The following TMEM123 variants were observed in gnomAD, a reference collection of about 807,000 sequenced individuals.
The protein encoded by TMEM123 is transmembrane protein 123, also known as porimin.
A neutral mutation model predicts 19.7 loss-of-function variants in TMEM123; 16 were observed. The observed-to-expected ratio is 0.81, with a 90% confidence interval of 0.55 to 1.23. TMEM123 has a LOEUF of 1.23. Among genes scored for constraint, TMEM123 ranks in the 50% most tolerant of loss-of-function variants. TMEM123 has a pLI of 0.00. For synonymous variants in TMEM123, 118 were observed against 99.4 expected (o/e 1.19, Z -1.12); for missense variants, 313 against 257.8 (o/e 1.21, Z -1.47).
At chr11:102,416,280 AAG>A (rs569250645) in intron 2 of TMEM123, among the ~76,000 whole-genome samples, 2 of 152,210 alleles carry the variant, frequency 1.3e-5, no homozygotes, top group Non-Finnish European at 2.9e-5. Flanking sequence ...ATAAAGAAAA[AAG>A]AGAGAAGAGC....
At chr11:102,435,340 T>G (rs114171606) in intron 2 of TMEM123, among the ~76,000 whole-genome samples, 1 of 151,738 alleles carries the variant, frequency 6.6e-6, no homozygotes, top group Non-Finnish European at 1.5e-5. Context: ...AATAATCACA[T>G]GAAAAAATGT....
Position 102,401,633 on chromosome 11 carries a change from C to G in TMEM123, c.508G>C (p.Val170Leu). The G allele has an allele frequency of 6.2e-7, 1 of 1,608,758 alleles. No homozygotes were observed. The highest frequency in any genetic ancestry group is 8.5e-7 in the Non-Finnish European group (1 of 1,178,808). The change falls in exon 4 of 5, where the codon GTT becomes CTT. Residue 170 changes from valine to leucine, a missense_variant. Val to Leu is a conservative substitution (Grantham distance 32, BLOSUM62 1). Coordinates refer to ENST00000398136, the MANE Select transcript of TMEM123 (RefSeq NM_052932.3). ...CCCAGCGTTAATACAATACCACCAA[C>G]AAAGCTCCCAGTATCAAATTTTGAT... The part of the protein sequence containing the change: ...KGSKFDTGSF[V>L]GGIVLTLGVL...
At chr11:102,439,810 G>C (rs1161216290) in intron 2 of TMEM123, among the ~76,000 whole-genome samples, 2 of 152,294 alleles carry the variant, frequency 1.3e-5, no homozygotes, top group East Asian at 3.9e-4. Flanking sequence ...CTTGAAAAAA[G>C]ATTAGACAAA....
intron 2 of TMEM123, among the ~76,000 whole-genome samples, chr11:102,437,229 T>C (rs1205526926): frequency 1.3e-5 from 2 of 152,152 alleles, no homozygotes; most frequent in Admixed American, 6.5e-5. Flanking sequence ...AAATTCAGTG[T>C]TTCCTGGGTT....
intron 2 of TMEM123, among the ~76,000 whole-genome samples, chr11:102,403,782 T>A (rs1201097580): frequency 1.3e-5 from 2 of 152,152 alleles, no homozygotes; most frequent in African/African-American, 2.4e-5. Context: ...GTGAGTGAGT[T>A]CTCATTCTGG....
chr11:102,408,744 C>T (rs116929965), intron 2 of TMEM123, among the ~76,000 whole-genome samples: 4,211 of 152,282 alleles, frequency 0.028, 98 homozygotes, highest in Middle Eastern at 0.041. Context: ...CCATGGTTAC[C>T]GTAACTACCA....
chr11:102,443,152 C>T (rs919908786), intron 2 of TMEM123, among the ~76,000 whole-genome samples: 1 of 152,210 alleles, frequency 6.6e-6, no homozygotes, highest in Non-Finnish European at 1.5e-5. Context: ...ATGCCATCCC[C>T]ATCAAGCTAC....
At chr11:102,434,909 G>C (rs1857746981) in intron 2 of TMEM123, among the ~76,000 whole-genome samples, 2 of 151,762 alleles carry the variant, frequency 1.3e-5, no homozygotes, top group South Asian at 4.2e-4. Context: ...AATGTGTGAT[G>C]GGAACTCTTA....
intron 2 of TMEM123, among the ~76,000 whole-genome samples, chr11:102,409,124 G>A (rs960211575): frequency 6.6e-6 from 1 of 152,086 alleles, no homozygotes; most frequent in Non-Finnish European, 1.5e-5. Flanking sequence ...TTAAACCAGA[G>A]TTGAAAATAC....
chr11:102,452,726 G>A lies in TMEM123; in HGVS notation c.-103C>T. ...CCGGCGCCGGCTCCGCTTCCCCTTCGGCCGCGCACGTTTCCCCTCCCGCCG... is the reference window on the plus strand; with the variant it reads ...CCGGCGCCGGCTCCGCTTCCCCTTCAGCCGCGCACGTTTCCCCTCCCGCCG... On this transcript the variant is annotated 5_prime_UTR_variant, in exon 1 of 5. Transcript: ENST00000398136. 2 of 892,296 alleles carry A rather than the reference G, an allele frequency of 2.2e-6. No individual in the cohort carries two copies. The highest frequency in any genetic ancestry group is 1.5e-6 in the Non-Finnish European group (1 of 659,062). The allele number at this position is 892,296 out of a possible 1,614,324, so 55.3% of individuals were successfully genotyped here.
In TMEM123 at chr11:102,426,451, C is replaced by CTT. The variant is rs140836722; in HGVS notation, c.157+22359_157+22360dup. On this transcript the variant is annotated intron_variant, in intron 2 of 4. Transcript: ENST00000398136. Reference sequence around the variant, plus strand: ...ATTCATTTCCCTCTATATTTATTATCTTTTTTTTTTTTTTTAAGTGATGGT... The same window carrying CTT: ...ATTCATTTCCCTCTATATTTATTATCTTTTTTTTTTTTTTTTTAAGTGATGGT... Among the ~76,000 whole-genome samples the CTT allele has an allele frequency of 2.0e-4, 28 of 143,274 alleles. 1 individual carries two copies. The East Asian group carries it at 2.6e-3, about 14-fold the overall frequency. 94.0% of individuals were successfully genotyped at this position (143,274 alleles called of 152,430 possible).
intron 2 of TMEM123, among the ~76,000 whole-genome samples, chr11:102,440,396 C>T (rs1024604193): frequency 4.6e-5 from 7 of 152,212 alleles, no homozygotes; most frequent in Non-Finnish European, 7.3e-5. Flanking sequence ...GGCCAATATT[C>T]AACATTCTTA....
At chr11:102,405,835 A>T (rs1262404694) in intron 2 of TMEM123, among the ~76,000 whole-genome samples, 43 of 152,048 alleles carry the variant, frequency 2.8e-4, no homozygotes, top group Admixed American at 2.7e-3. Context: ...GTCAATTTCT[A>T]TGTCAATTTC....
chr11:102,402,264 A>T (rs769834543), intron 2 of TMEM123, 58 bp from the exon 3 acceptor site: 2 of 1,544,068 alleles, frequency 1.3e-6, no homozygotes, highest in African/African-American at 1.4e-5. Context: ...ATAAGATCCC[A>T]TTTCACTGAG....
At chr11:102,442,229 C>A (rs1350455226) in intron 2 of TMEM123, among the ~76,000 whole-genome samples, 2 of 152,138 alleles carry the variant, frequency 1.3e-5, no homozygotes, top group Admixed American at 6.5e-5. Context: ...GATACCAAAG[C>A]CTGGCAGAGA....
chr11:102,428,999 AGG>A (rs763684345), intron 2 of TMEM123, among the ~76,000 whole-genome samples: 7 of 152,092 alleles, frequency 4.6e-5, no homozygotes, highest in African/African-American at 7.2e-5. Flanking sequence ...TGGGGTCTGG[AGG>A]GACTACGAGT....
chr11:102,427,416 T>C (rs1480873622), intron 2 of TMEM123, among the ~76,000 whole-genome samples: 1 of 147,638 alleles, frequency 6.8e-6, no homozygotes, highest in African/African-American at 2.5e-5. Flanking sequence ...AAGGCAGAAG[T>C]GGGAGAGAAG....
intron 2 of TMEM123, among the ~76,000 whole-genome samples, chr11:102,437,338 A>C (rs1451982094): frequency 6.6e-6 from 1 of 152,030 alleles, no homozygotes; most frequent in Non-Finnish European, 1.5e-5. Flanking sequence ...ACACACCAGT[A>C]ATCTCAGCTA....
In TMEM123 at chr11:102,438,874, G is replaced by A. The variant is rs140496705; in HGVS notation, c.157+9938C>T. Among the ~76,000 whole-genome samples, 708 of 152,252 alleles carry A rather than the reference G, an allele frequency of 4.7e-3. 4 individuals carry two copies. Among genetic ancestry groups the A allele is most frequent in the Non-Finnish European group, 7.8e-3 (533 of 68,014 alleles). Reference sequence around the variant, plus strand: ...CGTGACAGACAGTACCTAGAAAATCGGGACACTCCCACCCTAATACTGCGC... The same window carrying A: ...CGTGACAGACAGTACCTAGAAAATCAGGACACTCCCACCCTAATACTGCGC... On this transcript the variant is annotated intron_variant, in intron 2 of 4. Transcript: ENST00000398136.
Sources: allele counts gnomAD v4.1 joint callset (sites outside exome capture counted in the v4.1 genomes callset), GRCh38; gene constraint gnomAD v4.1.1; transcripts MANE v1.5; gene names NCBI Gene and HGNC (gene_info 2026-07-23, HGNC 2026-07-21).